The following RAB19 variants were observed in gnomAD, a reference collection of about 807,000 sequenced individuals.
The protein encoded by RAB19 is RAB19, member RAS oncogene family.
A neutral mutation model predicts 17.3 loss-of-function variants in RAB19; 21 were observed. That is an observed-to-expected ratio of 1.21 (90% CI 0.86 to 1.74). The LOEUF (loss-of-function observed/expected upper bound fraction) is 1.74. Ranked by LOEUF, RAB19 falls within the 40% of genes most tolerant of loss-of-function variation. The pLI is 0.00. For synonymous variants in RAB19, 126 were observed against 110.4 expected (o/e 1.14, Z -0.88); for missense variants, 277 against 286.8 (o/e 0.97, Z 0.25).
At chr7:140,412,303 T>A (rs1799380841) in intron 3 of RAB19, among the ~76,000 whole-genome samples, 1 of 151,774 alleles carries the variant, frequency 6.6e-6, no homozygotes, top group Non-Finnish European at 1.5e-5. Context: ...TACAAAAAAA[T>A]TAGACAGGCG....
Position 140,427,338 on chromosome 7 carries a change from G to A in RAB19, c.*1188G>A, listed in dbSNP as rs1411244421. On this transcript the variant is annotated 3_prime_UTR_variant, in exon 4 of 4. Coordinates refer to ENST00000537763, the MANE Select transcript of RAB19 (RefSeq NM_001008749.3). ...GCTCATTTTTTTTGTATATTTAGTA[G>A]AGACTGGGTTTCACTACGTTGGTCA... Among the ~76,000 whole-genome samples, 46 of 151,066 alleles carry A rather than the reference G, an allele frequency of 3.0e-4. 1 individual carries two copies. In the Admixed American group the frequency reaches 3.1e-3, roughly 10 times the overall value.
chr7:140,410,944 G>C (rs754631417), intron 2 of RAB19: 1 of 1,367,818 alleles, frequency 7.3e-7, no homozygotes, highest in Admixed American at 1.9e-5. Context: ...TTCCAAACAT[G>C]AACAGCTTGA....
At chr7:140,408,676 A>G (rs931835113) in intron 2 of RAB19, among the ~76,000 whole-genome samples, 2 of 151,926 alleles carry the variant, frequency 1.3e-5, no homozygotes, top group Non-Finnish European at 2.9e-5. Flanking sequence ...GGGTTTCACT[A>G]TGTTGGCCAG....
chr7:140,411,119 G>T, intron 2 of RAB19: 1 of 1,367,052 alleles, frequency 7.3e-7, no homozygotes. Flanking sequence ...CCACCTCTCG[G>T]CCGGGCGCAG....
Position 140,407,651 on chromosome 7 carries a change from A to C in RAB19, c.5A>C (p.His2Pro), listed in dbSNP as rs2130085163. The C allele has an allele frequency of 6.2e-7, 1 of 1,613,990 alleles. No homozygotes were observed. The highest frequency in any genetic ancestry group is 8.5e-7 in the Non-Finnish European group (1 of 1,179,964). ...CTGTTCTAGGTGGCAAGAACCATGC[A>C]CTTCTCCAGCTCAGCCAGGGCAGCA... The part of the protein sequence containing the change: M[H>P]FSSSARAADE... Residue 2 changes from histidine to proline, a missense_variant, in exon 2 of 4, where the codon CAC becomes CCC. Transcript: ENST00000537763.
intron 3 of RAB19, among the ~76,000 whole-genome samples, chr7:140,421,393 A>G (rs927734785): frequency 7.3e-5 from 11 of 150,778 alleles, no homozygotes; most frequent in African/African-American, 2.7e-4. Context: ...CAGAGTCTTG[A>G]TCTGTGACCC....
intron 2 of RAB19, among the ~76,000 whole-genome samples, chr7:140,409,300 G>C (rs1799306372): frequency 6.6e-6 from 1 of 152,050 alleles, no homozygotes; most frequent in African/African-American, 2.4e-5. Flanking sequence ...GGAGGCAGAG[G>C]TTACAGTGAG....
At chr7:140,408,281 A>C (rs1349024250) in intron 2 of RAB19, among the ~76,000 whole-genome samples, 1 of 152,096 alleles carries the variant, frequency 6.6e-6, no homozygotes, top group East Asian at 1.9e-4. Context: ...AAATAGTGGA[A>C]GAAAACATGG....
chr7:140,416,732 C>T (rs568910878), intron 3 of RAB19, among the ~76,000 whole-genome samples: 6 of 152,162 alleles, frequency 3.9e-5, no homozygotes, highest in Non-Finnish European at 2.9e-5. Flanking sequence ...CGGGTGGACC[C>T]GTGGACATCA....
At chr7:140,420,867 G>C (rs1366617907) in intron 3 of RAB19, among the ~76,000 whole-genome samples, 1 of 151,832 alleles carries the variant, frequency 6.6e-6, no homozygotes, top group Non-Finnish European at 1.5e-5. Flanking sequence ...CTGAAGGAAG[G>C]AATATTTTGG....
At chr7:140,423,114 CAAAT>C (rs1585432906) in intron 3 of RAB19, among the ~76,000 whole-genome samples, 2 of 149,624 alleles carry the variant, frequency 1.3e-5, no homozygotes, top group African/African-American at 2.5e-5. Flanking sequence ...CTCAAATAAA[CAAAT>C]AAATAAATAA....
chr7:140,404,385 A>C (rs1799197728), intron 1 of RAB19, 168 bp downstream of exon 1: 1 of 152,218 alleles, frequency 6.6e-6, no homozygotes, highest in Non-Finnish European at 1.5e-5. Context: ...ATGGAAGTAA[A>C]GTCTCAGCTC....
chr7:140,407,880 C>CA, intron 2 of RAB19, 33 bp downstream of exon 2: 1 of 637,326 alleles, frequency 1.6e-6, no homozygotes, highest in Non-Finnish European at 2.3e-6. Flanking sequence ...CTGGTTCCAC[C>CA]TTTTTTTTTT....
intron 3 of RAB19, among the ~76,000 whole-genome samples, chr7:140,422,904 T>TCCAGGC (rs1799588118): frequency 6.6e-6 from 1 of 152,120 alleles, no homozygotes; most frequent in Non-Finnish European, 1.5e-5. Flanking sequence ...GGTCAGGAGT[T>TCCAGGC]CAAGACCAGC....
At chr7:140,418,686 C>T (rs1044412101) in intron 3 of RAB19, among the ~76,000 whole-genome samples, 2 of 151,580 alleles carry the variant, frequency 1.3e-5, no homozygotes, top group African/African-American at 4.8e-5. Context: ...TAGGGAGACC[C>T]GATCTCTACA....
intron 3 of RAB19, among the ~76,000 whole-genome samples, chr7:140,424,034 T>C (rs1395016977): frequency 6.6e-6 from 1 of 151,862 alleles, no homozygotes; most frequent in Non-Finnish European, 1.5e-5. Flanking sequence ...TTTGTGTTTT[T>C]AGTAGAGACG....
At chr7:140,410,313 C>CTTTTTTTTTTTTTTTTTTT (rs762151021) in intron 2 of RAB19, among the ~76,000 whole-genome samples, 5 of 81,038 alleles carry the variant, frequency 6.2e-5, no homozygotes, top group South Asian at 5.1e-4. Flanking sequence ...TTGTATTTTT[C>CTTTTTTTTTTTTTTTTTTT]TTTTTTTTTT....
chr7:140,422,056 T>C (rs1799571419), intron 3 of RAB19, among the ~76,000 whole-genome samples: 1 of 152,168 alleles, frequency 6.6e-6, no homozygotes, highest in Non-Finnish European at 1.5e-5. Context: ...AAAATTTTTC[T>C]GTATAAAGAT....
At chr7:140,407,034 C>T (rs376611226) in intron 1 of RAB19, among the ~76,000 whole-genome samples, 12 of 152,188 alleles carry the variant, frequency 7.9e-5, no homozygotes, top group African/African-American at 2.4e-4. Flanking sequence ...TATAGGCATG[C>T]GCCACCACAC....
Sources: gnomAD v4.1 joint callset for allele counts (sites outside exome capture counted in the v4.1 genomes callset) on GRCh38, gnomAD v4.1.1 for gene constraint, MANE v1.5 for transcripts, NCBI Gene and HGNC (gene_info 2026-07-23, HGNC 2026-07-21) for gene names.